POU6F2: variants seen among roughly 807,000 people sequenced by gnomAD.
The protein encoded by POU6F2 is POU domain, class 6, transcription factor 2.
A neutral mutation model predicts 71.3 loss-of-function variants in POU6F2; 31 were observed. The observed-to-expected ratio is 0.43, with a 90% CI of 0.33 to 0.59. The LOEUF (loss-of-function observed/expected upper bound fraction) is 0.59. POU6F2 is among the 20% of genes least tolerant of loss of function. POU6F2 has a pLI of 0.04. For synonymous variants in POU6F2, 347 were observed against 355.7 expected (o/e 0.98, Z 0.27); for missense variants, 783 against 856.8 (o/e 0.91, Z 1.07).
chr7:39,279,967 G>A (rs752436885), intron 4 of POU6F2, among the ~76,000 whole-genome samples: 1 of 151,926 alleles, frequency 6.6e-6, no homozygotes, highest in African/African-American at 2.4e-5. Flanking sequence ...GGCTGGTCTC[G>A]AACTCCTGAC....
At chr7:39,439,953 CT>C (rs1294388770) in intron 7 of POU6F2, among the ~76,000 whole-genome samples, 1 of 152,062 alleles carries the variant, frequency 6.6e-6, no homozygotes, top group East Asian at 1.9e-4. Context: ...CTTAGTTTGG[CT>C]GGATATGAAA....
chr7:39,055,262 A>ATGATT (rs1790483094), intron 1 of POU6F2, among the ~76,000 whole-genome samples: 1 of 152,164 alleles, frequency 6.6e-6, no homozygotes, highest in African/African-American at 2.4e-5. Context: ...AAGCAATGCT[A>ATGATT]TGATTTGTAT....
chr7:39,206,884 T>A (rs1026332908), intron 3 of POU6F2, among the ~76,000 whole-genome samples: 1 of 152,252 alleles, frequency 6.6e-6, no homozygotes, highest in East Asian at 1.9e-4. Flanking sequence ...AAAAGGATTA[T>A]GCTAGTGTAC....
rs1321239972 is a variant in POU6F2 at position 39,465,190 on chromosome 7, A to AT, written c.*506dup. On this transcript the variant is annotated 3_prime_UTR_variant, in exon 10 of 10. Coordinates refer to ENST00000518318, the MANE Select transcript of POU6F2 (RefSeq NM_001370959.1). The stretch of plus-strand genomic sequence containing the variant: ...GCACCCCTTCAGGTACTAAGTGCTG[A>AT]TTCACTATGAAACCTATTAACCAAA... 1.9e-5 allele frequency: 3 copies of AT among 154,152 alleles called. No individual in the cohort carries two copies. The highest frequency in any genetic ancestry group is 1.9e-4 in the Admixed American group (3 of 15,638). The allele number at this position is 154,152 out of a possible 1,614,324, so 9.5% of individuals were successfully genotyped here.
intron 2 of POU6F2, among the ~76,000 whole-genome samples, chr7:39,179,702 CA>C: frequency 6.6e-6 from 1 of 152,178 alleles, no homozygotes; most frequent in Non-Finnish European, 1.5e-5. Flanking sequence ...AGATGGAGAG[CA>C]GATGTGTTTA....
chr7:39,246,086 A>G (rs1455546271), intron 4 of POU6F2, among the ~76,000 whole-genome samples: 1 of 152,192 alleles, frequency 6.6e-6, no homozygotes, highest in Admixed American at 6.5e-5. Flanking sequence ...TTGAAAGTGA[A>G]CCCAAGGCTT....
intron 7 of POU6F2, among the ~76,000 whole-genome samples, chr7:39,437,944 C>CT (rs113318873): frequency 1.4e-4 from 21 of 148,216 alleles, no homozygotes; most frequent in South Asian, 4.3e-4. Flanking sequence ...GAGTGAGTTT[C>CT]TTTTTTTTTT....
intron 1 of POU6F2, among the ~76,000 whole-genome samples, chr7:38,986,818 G>A (rs1788475485): frequency 6.6e-6 from 1 of 152,128 alleles, no homozygotes; most frequent in African/African-American, 2.4e-5. Context: ...TTCTGTGCAT[G>A]TATATGCAAT....
intron 4 of POU6F2, among the ~76,000 whole-genome samples, chr7:39,337,191 A>T (rs1248086881): frequency 2.6e-5 from 4 of 152,224 alleles, no homozygotes; most frequent in Admixed American, 6.5e-5. Flanking sequence ...TTTATTTGGG[A>T]AGTTTCAAGA....
chr7:39,455,035 A>G (rs1788768712), intron 8 of POU6F2, among the ~76,000 whole-genome samples: 1 of 152,098 alleles, frequency 6.6e-6, no homozygotes, highest in African/African-American at 2.4e-5. Context: ...TATAGCACCT[A>G]CACACCTTGC....
intron 5 of POU6F2, among the ~76,000 whole-genome samples, chr7:39,353,102 G>A (rs1403343047): frequency 6.6e-6 from 1 of 152,238 alleles, no homozygotes; most frequent in Non-Finnish European, 1.5e-5. Context: ...CTGCAAGGAG[G>A]CAGGTGGACC....
In POU6F2 at chr7:39,160,075, G is replaced by A. The variant is rs936565342; in HGVS notation, c.278-44160G>A. Among the ~76,000 whole-genome samples, 60 of 152,304 alleles carry A rather than the reference G, an allele frequency of 3.9e-4. 1 individual carries two copies. The highest frequency in any genetic ancestry group is 7.1e-4 in the Non-Finnish European group (48 of 68,032). ...TACCAAGGGAGACTGGGAAGTACGAGTTGAAGAACTATCAGCAAACATAGG... is the reference window on the plus strand; with the variant it reads ...TACCAAGGGAGACTGGGAAGTACGAATTGAAGAACTATCAGCAAACATAGG... On this transcript the variant is annotated intron_variant, in intron 2 of 9. Coordinates refer to ENST00000518318, the MANE Select transcript of POU6F2 (RefSeq NM_001370959.1).
chr7:39,366,041 C>T (rs1786493461), intron 5 of POU6F2, among the ~76,000 whole-genome samples: 1 of 152,120 alleles, frequency 6.6e-6, no homozygotes, highest in African/African-American at 2.4e-5. Flanking sequence ...GGATGGGATG[C>T]TTATGGGGCA....
intron 6 of POU6F2, among the ~76,000 whole-genome samples, chr7:39,423,860 C>G (rs1787909146): frequency 6.6e-6 from 1 of 152,200 alleles, no homozygotes; most frequent in South Asian, 2.1e-4. Flanking sequence ...TACTTTGTAT[C>G]CCTAAGTATT....
intron 2 of POU6F2, among the ~76,000 whole-genome samples, chr7:39,180,983 TG>T (rs1417823492): frequency 1.3e-5 from 2 of 152,216 alleles, no homozygotes; most frequent in Non-Finnish European, 2.9e-5. Context: ...GCAGAATTGC[TG>T]GGGCTGTGTA....
chr7:39,140,430 G>A (rs1244060387), intron 2 of POU6F2, among the ~76,000 whole-genome samples: 4 of 152,214 alleles, frequency 2.6e-5, no homozygotes, highest in Admixed American at 2.6e-4. Flanking sequence ...TTCTTTCACA[G>A]TTTAGAGGTG....
intron 4 of POU6F2, among the ~76,000 whole-genome samples, chr7:39,320,718 A>G (rs1583522294): frequency 6.6e-6 from 1 of 152,338 alleles, no homozygotes; most frequent in East Asian, 1.9e-4. Context: ...ACATACCTAT[A>G]AAGTTTAACT....
intron 2 of POU6F2, among the ~76,000 whole-genome samples, chr7:39,180,189 C>T (rs1001245545): frequency 5.9e-5 from 9 of 152,126 alleles, no homozygotes; most frequent in South Asian, 2.1e-4. Context: ...GAAGCAAATA[C>T]GCCCAGGTGT....
At chr7:39,126,092 A>G (rs758130069) in intron 2 of POU6F2, among the ~76,000 whole-genome samples, 36 of 152,196 alleles carry the variant, frequency 2.4e-4, no homozygotes, top group Non-Finnish European at 4.3e-4. Flanking sequence ...GACAGCTTCC[A>G]TTCCAGTCTT....
Sources: gnomAD v4.1 joint callset for allele counts (sites outside exome capture counted in the v4.1 genomes callset) on GRCh38, gnomAD v4.1.1 for gene constraint, MANE v1.5 for transcripts, NCBI Gene and HGNC (gene_info 2026-07-23, HGNC 2026-07-21) for gene names.